Variants in CD28 observed in about 807,000 individuals in gnomAD.
The protein encoded by CD28 is CD28 molecule, also known as T-cell-specific surface glycoprotein CD28.
A neutral mutation model predicts 21.4 loss-of-function variants in CD28; 8 were observed. That is an observed-to-expected ratio of 0.37 (90% CI 0.22 to 0.68). CD28 has a LOEUF of 0.68. CD28 is among the 30% of genes least tolerant of loss of function. The pLI, the probability that CD28 is intolerant of heterozygous loss-of-function variation, is 0.55. For synonymous variants in CD28, 106 were observed against 104.0 expected (o/e 1.02, Z -0.12); for missense variants, 239 against 272.2 (o/e 0.88, Z 0.86).
At position 203,729,773 on chromosome 2, in the gene CD28, G is replaced by A; in HGVS notation, c.534+1G>A. On this transcript the variant is annotated splice_donor_variant, in intron 3 of 3. Coordinates refer to ENST00000324106, the MANE Select transcript of CD28 (RefSeq NM_006139.4). LOFTEE classifies it high-confidence loss of function. The stretch of plus-strand genomic sequence containing the variant: ...AACAGTGGCCTTTATTATTTTCTGG[G>A]TAAGAGAAGCAGCACTGCTTTTATG... 1.2e-6 allele frequency: 2 copies of A among 1,612,968 alleles called. No homozygotes were observed. Among genetic ancestry groups the A allele is most frequent in the Non-Finnish European group, 1.7e-6 (2 of 1,179,590 alleles).
chr2:203,716,676 T>C (rs145958956), intron 1 of CD28, among the ~76,000 whole-genome samples: 9 of 152,312 alleles, frequency 5.9e-5, no homozygotes, highest in Admixed American at 1.3e-4. Context: ...TATCTGACCT[T>C]TGACTTACTT....
intron 1 of CD28, among the ~76,000 whole-genome samples, chr2:203,725,038 C>T (rs938437387): frequency 7.2e-5 from 11 of 152,096 alleles, no homozygotes; most frequent in Non-Finnish European, 1.3e-4. Context: ...CACCTGTAAT[C>T]CCAGCACTTT....
intron 2 of CD28, among the ~76,000 whole-genome samples, chr2:203,728,669 CAG>C (rs1693812481): frequency 6.6e-6 from 1 of 152,112 alleles, no homozygotes; most frequent in Non-Finnish European, 1.5e-5. Context: ...AATATCCAAA[CAG>C]AATATTTTAA....
At position 203,734,665 on chromosome 2, in the gene CD28, AG is replaced by A. The variant is rs200913500; in HGVS notation, c.535-117del. On this transcript the variant is annotated intron_variant, in intron 3 of 3. Coordinates refer to ENST00000324106, the MANE Select transcript of CD28 (RefSeq NM_006139.4). ...TACCCAAGTCCAAGGTGCTCAAAAA[AG>A]GTTAGTGTTTTAGTGTCTCTGTCAT... The A allele has an allele frequency of 1.2e-5, 15 of 1,231,692 alleles. No homozygotes were observed. The East Asian group carries it at 2.8e-4, about 23-fold the overall frequency. The allele number at this position is 1,231,692 out of a possible 1,614,324, so 76.3% of individuals were successfully genotyped here.
intron 1 of CD28, among the ~76,000 whole-genome samples, chr2:203,713,873 G>C (rs368000390): frequency 7.9e-4 from 79 of 100,374 alleles, no homozygotes; most frequent in Middle Eastern, 5.7e-3. Context: ...GAGAGAGAGA[G>C]AGACAGAGAG....
At position 203,728,777 on chromosome 2, in the gene CD28, G is replaced by T. The variant is rs994011189; in HGVS notation, c.410-871G>T. 5.9e-4 allele frequency among the ~76,000 whole-genome samples: 90 copies of T among 152,248 alleles called. 1 individual carries two copies. The highest frequency in any genetic ancestry group is 5.8e-3 in the Admixed American group (89 of 15,296). ...ATGAAAGGCATGCTACTTTAGGATA[G>T]TATTTTATATATATGTATACACACA... On this transcript the variant is annotated intron_variant, in intron 2 of 3. Transcript: ENST00000324106.
chr2:203,726,766 T>C lies in CD28; in HGVS notation c.186T>C (p.Ala62=), dbSNP rs369798043. The change falls in exon 2 of 4, where the codon GCT becomes GCC. Residue 62 remains alanine, a synonymous_variant. Coordinates refer to ENST00000324106, the MANE Select transcript of CD28 (RefSeq NM_006139.4). ...RASLHKGLDS[A]VEVCVVYGNY... ...CCCTTCACAAAGGACTGGATAGTGC[T>C]GTGGAAGTCTGTGTTGTATATGGGA... 1.2e-6 allele frequency: 2 copies of C among 1,614,174 alleles called. No individual in the cohort carries two copies. The highest frequency in any genetic ancestry group is 2.7e-5 in the African/African-American group (2 of 75,036).
At position 203,736,007 on chromosome 2, in the gene CD28, CAAACAA is replaced by C. The variant is rs1694024089; in HGVS notation, c.*1096_*1101del. 1 of 113,248 alleles carries C rather than the reference CAAACAA, an allele frequency of 8.8e-6. No homozygotes were observed. The highest frequency in any genetic ancestry group is 3.0e-5 in the African/African-American group (1 of 33,884). 7.0% of individuals were successfully genotyped at this position (113,248 alleles called of 1,614,324 possible). On this transcript the variant is annotated 3_prime_UTR_variant, in exon 4 of 4. Coordinates refer to ENST00000324106, the MANE Select transcript of CD28 (RefSeq NM_006139.4). The stretch of plus-strand genomic sequence containing the variant: ...TGGGCGACAGAGTGAGACTCCATCT[CAAACAA>C]CAACAACAACAACAACAACAACAAC...
At chr2:203,719,993 G>GT (rs542917157) in intron 1 of CD28, among the ~76,000 whole-genome samples, 1,729 of 150,962 alleles carry the variant, frequency 0.011, 18 homozygotes, top group Middle Eastern at 0.021. Context: ...GGCAAGAGTT[G>GT]TTTTTTTTTG....
intron 1 of CD28, among the ~76,000 whole-genome samples, chr2:203,713,153 A>G (rs890932427): frequency 6.6e-6 from 1 of 152,228 alleles, no homozygotes; most frequent in African/African-American, 2.4e-5. Flanking sequence ...TGAATGTGTG[A>G]GGTTATGGTG....
intron 2 of CD28, among the ~76,000 whole-genome samples, chr2:203,728,916 A>G (rs1014371365): frequency 2.0e-5 from 3 of 152,200 alleles, no homozygotes; most frequent in Non-Finnish European, 2.9e-5. Flanking sequence ...AGAAATACCA[A>G]TGCCTAGTTC....
chr2:203,738,050 G>A lies in CD28; in HGVS notation c.*3138G>A, dbSNP rs1694084360. 1 of 152,120 alleles carries A rather than the reference G, an allele frequency of 6.6e-6. No homozygotes were observed. Among genetic ancestry groups the A allele is most frequent in the South Asian group, 2.1e-4 (1 of 4,828 alleles). 9.4% of individuals were successfully genotyped at this position (152,120 alleles called of 1,614,324 possible). A position where few individuals can be genotyped will look rare whatever the true frequency, so the allele number is the denominator to read the frequency against. On this transcript the variant is annotated 3_prime_UTR_variant, in exon 4 of 4. Transcript: ENST00000324106. ...TTCACTTCAAGCAGGGTACGTTTCT[G>A]GTTTGTTTGCTTGACTTCAGTCACA... is the stretch of plus-strand genomic sequence containing the variant.
At chr2:203,720,420 C>T (rs1322790139) in intron 1 of CD28, among the ~76,000 whole-genome samples, 2 of 152,196 alleles carry the variant, frequency 1.3e-5, no homozygotes, top group African/African-American at 2.4e-5. Context: ...TAGGTTTGAC[C>T]TAGGTAGACC....
intron 1 of CD28, among the ~76,000 whole-genome samples, chr2:203,724,304 T>C (rs1243771707): frequency 6.6e-6 from 1 of 152,170 alleles, no homozygotes; most frequent in Non-Finnish European, 1.5e-5. Context: ...AATCAGATAG[T>C]GGTGATTCAT....
intron 1 of CD28, 54 bp downstream of exon 1, chr2:203,706,802 T>A: frequency 7.4e-7 from 1 of 1,349,296 alleles, no homozygotes; most frequent in South Asian, 1.2e-5. Context: ...GTCTTCCAAT[T>A]GGCTTAGTTT....
rs1694052245 is a variant in CD28, at chr2:203,736,910, T to C, written c.*1998T>C. 1 of 152,234 alleles carries C rather than the reference T, an allele frequency of 6.6e-6. No individual in the cohort carries two copies. The highest frequency in any genetic ancestry group is 1.5e-5 in the Non-Finnish European group (1 of 68,046). The allele number at this position is 152,234 out of a possible 1,614,324, so 9.4% of individuals were successfully genotyped here. A position where few individuals can be genotyped will look rare whatever the true frequency, so the allele number is the denominator to read the frequency against. ...AGCATGCCCGACATACAATGTTAGC[T>C]ATTGGTATTATTGCCATATAGATAA... is the stretch of plus-strand genomic sequence containing the variant. On this transcript the variant is annotated 3_prime_UTR_variant, in exon 4 of 4. Coordinates refer to ENST00000324106, the MANE Select transcript of CD28 (RefSeq NM_006139.4).
intron 1 of CD28, among the ~76,000 whole-genome samples, chr2:203,713,844 A>AGAGAGG (rs1185926200): frequency 2.7e-5 from 2 of 74,022 alleles, no homozygotes; most frequent in African/African-American, 5.2e-5. Context: ...TGAGAGAGAG[A>AGAGAGG]GAGAGAGGGA....
chr2:203,727,471 C>CCTTCCTTTTCTTTTCT (rs1693782783), intron 2 of CD28, among the ~76,000 whole-genome samples: 1 of 108,484 alleles, frequency 9.2e-6, no homozygotes, highest in South Asian at 2.6e-4. Flanking sequence ...CCTTCCTTTT[C>CCTTCCTTTTCTTTTCT]TTTTCTTTTT....
Position 203,735,636 on chromosome 2 carries a change from C to G in CD28, c.*724C>G, listed in dbSNP as rs1694011942. 6.6e-6 allele frequency: 1 copy of G among 152,524 alleles called. No homozygotes were observed. The highest frequency in any genetic ancestry group is 2.4e-5 in the African/African-American group (1 of 41,424). 9.4% of individuals were successfully genotyped at this position (152,524 alleles called of 1,614,324 possible). On this transcript the variant is annotated 3_prime_UTR_variant, in exon 4 of 4. Coordinates refer to ENST00000324106, the MANE Select transcript of CD28 (RefSeq NM_006139.4). ...CATGAGACTTCAGTGTTAATGTTCA[C>G]AATATACTTTCGAAAGAATAAAATA... is the stretch of plus-strand genomic sequence containing the variant.
Sources: gnomAD v4.1 joint callset for allele counts (sites outside exome capture counted in the v4.1 genomes callset) on GRCh38, gnomAD v4.1.1 for gene constraint, MANE v1.5 for transcripts, NCBI Gene and HGNC (gene_info 2026-07-23, HGNC 2026-07-21) for gene names.